The following SORBS2 variants were observed in gnomAD, a reference collection of about 807,000 sequenced individuals.
SORBS2 encodes sorbin and SH3 domain containing 2.
SORBS2 carries 46 observed loss-of-function variants against 97.7 expected under a neutral mutation model. The ratio of observed to expected loss-of-function variants is 0.47; its 90% CI spans 0.37 to 0.60. SORBS2 has a LOEUF of 0.60. SORBS2 is among the 20% of genes least tolerant of loss of function. The pLI is 0.00. For missense variants in SORBS2, 1,316 were observed against 1,282.3 expected (o/e 1.03, Z -0.40); for synonymous variants, 476 against 473.4 (o/e 1.01, Z -0.07).
At chr4:185,943,398 G>A (rs2099273031) in intron 1 of SORBS2, among the ~76,000 whole-genome samples, 1 of 152,232 alleles carries the variant, frequency 6.6e-6, no homozygotes, top group South Asian at 2.1e-4. Context: ...GAAATTGTGT[G>A]CCTCCAGATG....
At chr4:185,647,674 C>T (rs1432205776) in intron 3 of SORBS2, among the ~76,000 whole-genome samples, 2 of 152,156 alleles carry the variant, frequency 1.3e-5, no homozygotes, top group Non-Finnish European at 2.9e-5. Flanking sequence ...GAATTAGGGA[C>T]AAGCCCTAGC....
chr4:185,654,155 G>T lies in SORBS2; in HGVS notation c.25-1427C>A, dbSNP rs935984840. Among the ~76,000 whole-genome samples, 5 of 152,090 alleles carry T rather than the reference G, an allele frequency of 3.3e-5. 1 individual carries two copies. The highest frequency in any genetic ancestry group is 1.2e-4 in the African/African-American group (5 of 41,410). On this transcript the variant is annotated intron_variant, in intron 1 of 14. Coordinates refer to ENST00000418609, the Ensembl canonical transcript of SORBS2. ...CGTTATGAGTCAGCTCTTCATTCTCGGCTCTTTCTCCATGGAAGAGTTGAG... is the reference window on the plus strand; with the variant it reads ...CGTTATGAGTCAGCTCTTCATTCTCTGCTCTTTCTCCATGGAAGAGTTGAG...
At position 185,846,181 on chromosome 4, in the gene SORBS2, C is replaced by T. The variant is rs138171239; in HGVS notation, c.-337-70815G>A. Among the ~76,000 whole-genome samples the T allele has an allele frequency of 2.9e-3, 438 of 152,240 alleles. 4 individuals are homozygous for T. Among genetic ancestry groups the T allele is most frequent in the African/African-American group, 9.8e-3 (409 of 41,528 alleles). ...ATCACCTGGAGAGTGGATACAGAAA[C>T]GATGGTACATCCATACAACAGAATG... On this transcript the variant is annotated intron_variant, in intron 1 of 20. Coordinates refer to the SORBS2 transcript ENST00000284776.
chr4:185,792,325 C>G (rs2099083923), intron 1 of SORBS2, among the ~76,000 whole-genome samples: 1 of 152,140 alleles, frequency 6.6e-6, no homozygotes, highest in African/African-American at 2.4e-5. Flanking sequence ...GAAACCCCGT[C>G]TCTACTAAAA....
At chr4:185,673,408 C>T (rs1314522664) in intron 4 of SORBS2, among the ~76,000 whole-genome samples, 4 of 152,126 alleles carry the variant, frequency 2.6e-5, no homozygotes, top group South Asian at 4.1e-4. Flanking sequence ...AGAGGACACG[C>T]TATCTTGGAA....
At chr4:185,767,568 A>G (rs577908424) in intron 2 of SORBS2, among the ~76,000 whole-genome samples, 1 of 151,898 alleles carries the variant, frequency 6.6e-6, no homozygotes, top group East Asian at 1.9e-4. Flanking sequence ...ATAAAAACAC[A>G]ACCTTTCATC....
intron 3 of SORBS2, among the ~76,000 whole-genome samples, chr4:185,648,975 T>C (rs1365472219): frequency 1.3e-5 from 2 of 152,230 alleles, no homozygotes; most frequent in Non-Finnish European, 2.9e-5. Flanking sequence ...ATAGTTTGTA[T>C]AAAAATATTT....
chr4:185,932,315 A>G (rs992682570), intron 1 of SORBS2, among the ~76,000 whole-genome samples: 1 of 151,650 alleles, frequency 6.6e-6, no homozygotes, highest in African/African-American at 2.4e-5. Context: ...TGGAGGGTAG[A>G]GAGTAGGGTG....
exon 5 of SORBS2, chr4:185,662,127 A>G (rs1194656408): frequency 6.2e-7 from 1 of 1,614,184 alleles, no homozygotes. Flanking sequence ...GTGCTGCATG[A>G]CAATGCTGGA....
chr4:185,716,280 C>A (rs1166832256), intron 2 of SORBS2, among the ~76,000 whole-genome samples: 3 of 152,204 alleles, frequency 2.0e-5, no homozygotes, highest in Non-Finnish European at 4.4e-5. Context: ...TCTACCATAT[C>A]CAGATGGATC....
chr4:185,738,505 C>G (rs569792447), intron 2 of SORBS2, among the ~76,000 whole-genome samples: 1 of 152,242 alleles, frequency 6.6e-6, no homozygotes, highest in East Asian at 1.9e-4. Context: ...TCTACTTTGC[C>G]AAGTATTTCA....
intron 1 of SORBS2, among the ~76,000 whole-genome samples, chr4:185,907,282 G>C (rs1488279508): frequency 6.6e-6 from 1 of 152,162 alleles, no homozygotes; most frequent in East Asian, 1.9e-4. Context: ...TAGTCTGTCT[G>C]TCCACCTTAA....
At chr4:185,789,716 G>C (rs2099072037) in intron 1 of SORBS2, among the ~76,000 whole-genome samples, 1 of 151,984 alleles carries the variant, frequency 6.6e-6, no homozygotes, top group Admixed American at 6.5e-5. Flanking sequence ...TCATTCAAGA[G>C]AGACATTATA....
intron 1 of SORBS2, among the ~76,000 whole-genome samples, chr4:185,903,450 A>C (rs2099248839): frequency 6.6e-6 from 1 of 152,176 alleles, no homozygotes; most frequent in Admixed American, 6.5e-5. Flanking sequence ...CAGTAGGAAG[A>C]AGTCACCCAT....
chr4:185,868,143 T>TTTC (rs1237187021), intron 1 of SORBS2, among the ~76,000 whole-genome samples: 27 of 87,936 alleles, frequency 3.1e-4, no homozygotes, highest in East Asian at 1.8e-3. Context: ...TTCTCTTTTC[T>TTTC]TTTCTTTTTT....
intron 1 of SORBS2, among the ~76,000 whole-genome samples, chr4:185,869,395 G>T (rs531144824): frequency 5.3e-4 from 81 of 152,292 alleles, no homozygotes; most frequent in African/African-American, 1.9e-3. Flanking sequence ...GGCAGATCAA[G>T]ACTTTTCTGA....
chr4:185,900,326 T>G (rs2099247057), intron 1 of SORBS2, among the ~76,000 whole-genome samples: 2 of 152,194 alleles, frequency 1.3e-5, no homozygotes, highest in African/African-American at 2.4e-5. Flanking sequence ...CACCCAGCAG[T>G]GAACCACACA....
intron 2 of SORBS2, among the ~76,000 whole-genome samples, chr4:185,736,363 A>C (rs1234465588): frequency 6.6e-6 from 1 of 152,206 alleles, no homozygotes; most frequent in African/African-American, 2.4e-5. Context: ...GTTCTCATTT[A>C]AAAGTCTTGC....
chr4:185,873,334 C>G (rs182784076), intron 1 of SORBS2, among the ~76,000 whole-genome samples: 1 of 152,132 alleles, frequency 6.6e-6, no homozygotes, highest in Non-Finnish European at 1.5e-5. Context: ...TAATGATGCC[C>G]GCTTCTATTT....
Sources: allele counts gnomAD v4.1 joint callset (sites outside exome capture counted in the v4.1 genomes callset), GRCh38; gene constraint gnomAD v4.1.1; transcripts MANE v1.5; gene names NCBI Gene and HGNC (gene_info 2026-07-23, HGNC 2026-07-21).